The following FDX1 variants were observed in gnomAD, a reference collection of about 807,000 sequenced individuals.
FDX1 encodes adrenodoxin, mitochondrial.
In FDX1, 9 loss-of-function variants were observed where a neutral mutation model predicts 14.9. That is an observed-to-expected ratio of 0.60 (90% CI 0.36 to 1.05). The LOEUF (loss-of-function observed/expected upper bound fraction) is 1.05, where lower values mean the gene tolerates loss of function less well. Among genes scored for constraint, FDX1 ranks in the 50% least tolerant of loss-of-function variants. The pLI, the probability that FDX1 is intolerant of heterozygous loss-of-function variation, is 0.01. For synonymous variants in FDX1, 92 were observed against 99.4 expected (o/e 0.93, Z 0.44); for missense variants, 204 against 237.2 (o/e 0.86, Z 0.92).
At position 110,430,302 on chromosome 11, in the gene FDX1, G is replaced by C. The variant is rs1193248324; in HGVS notation, c.182G>C (p.Ser61Thr). Residue 61 changes from serine to threonine, a missense_variant, in exon 1 of 4, where the codon AGC becomes ACC. Physicochemically the swap from Ser to Thr is moderately conservative, Grantham distance 58. Transcript: ENST00000260270. ...CTGAGCGTGTCGGCGCGGGCCCGGA[G>C]CAGGTAGGGCGCCGTGCGGGCGCGA... ...RSLSVSARARSSSEDKITVHF... is the reference protein window; with the variant it reads ...RSLSVSARARTSSEDKITVHF... 1 of 1,196,068 alleles carries C rather than the reference G, an allele frequency of 8.4e-7. No individual in the cohort carries two copies. The highest frequency in any genetic ancestry group is 1.0e-6 in the Non-Finnish European group (1 of 964,788). 74.1% of individuals were successfully genotyped at this position (1,196,068 alleles called of 1,614,324 possible). A position where few individuals can be genotyped will look rare whatever the true frequency, so the allele number is the denominator to read the frequency against.
chr11:110,433,625 C>CAA (rs1946346011), intron 1 of FDX1, among the ~76,000 whole-genome samples: 1 of 152,094 alleles, frequency 6.6e-6, no homozygotes, highest in South Asian at 2.1e-4. Flanking sequence ...AAAAAAATGG[C>CAA]AGTTATTCAT....
chr11:110,450,067 C>G (rs1946476666), intron 2 of FDX1, among the ~76,000 whole-genome samples: 1 of 152,284 alleles, frequency 6.6e-6, no homozygotes, highest in Non-Finnish European at 1.5e-5. Context: ...TGGCCCCCAA[C>G]CTTTTTGGCA....
chr11:110,447,715 T>C (rs1946460801), intron 2 of FDX1, among the ~76,000 whole-genome samples: 1 of 152,192 alleles, frequency 6.6e-6, no homozygotes, highest in South Asian at 2.1e-4. Flanking sequence ...CCCCAAAATT[T>C]AGCTTTTCAT....
In FDX1 at chr11:110,444,732, A is replaced by ATATATACGTG. The variant is rs1470128750; in HGVS notation, c.310+8780_310+8781insCGTGTATATA. ...TATATATATATATATACGTATATAT[A>ATATATACGTG]TATATATATATACACGTATATATAT... On this transcript the variant is annotated intron_variant, in intron 2 of 3. Transcript: ENST00000260270. 1.2e-4 allele frequency among the ~76,000 whole-genome samples: 8 copies of ATATATACGTG among 66,598 alleles called. 1 individual carries two copies. The highest frequency in any genetic ancestry group is 2.2e-4 in the African/African-American group (3 of 13,706). The allele number at this position is 66,598 out of a possible 152,430, so 43.7% of individuals were successfully genotyped here.
intron 2 of FDX1, among the ~76,000 whole-genome samples, chr11:110,448,424 G>A (rs1210370605): frequency 6.6e-6 from 1 of 152,072 alleles, no homozygotes; most frequent in African/African-American, 2.4e-5. Context: ...TTGGGAAAGG[G>A]GTTAGGTGTC....
Position 110,441,197 on chromosome 11 carries a change from C to A in FDX1, c.310+5239C>A, listed in dbSNP as rs978843740. 7.2e-5 allele frequency among the ~76,000 whole-genome samples: 11 copies of A among 152,212 alleles called. 1 individual carries two copies. The highest frequency in any genetic ancestry group is 2.7e-4 in the African/African-American group (11 of 41,452). On this transcript the variant is annotated intron_variant, in intron 2 of 3. Coordinates refer to ENST00000260270, the MANE Select transcript of FDX1 (RefSeq NM_004109.5). ...TAAACACTTTTTCCTGTATAAATTA[C>A]CCAGTTTCGGATATGTCTTTGTCAG...
rs955037518 is a variant in FDX1 at position 110,463,313 on chromosome 11, G to C, written c.*845G>C. On this transcript the variant is annotated 3_prime_UTR_variant, in exon 4 of 4. Coordinates refer to ENST00000260270, the MANE Select transcript of FDX1 (RefSeq NM_004109.5). ...GAGAAGGGAATGAGCAGGCTGACACGTTGCACAGCCCCAGGTGGCGCCATT... is the reference window on the plus strand; with the variant it reads ...GAGAAGGGAATGAGCAGGCTGACACCTTGCACAGCCCCAGGTGGCGCCATT... The C allele has an allele frequency of 6.6e-6, 1 of 152,260 alleles. No individual in the cohort carries two copies. Among genetic ancestry groups the C allele is most frequent in the African/African-American group, 2.4e-5 (1 of 41,462 alleles). The allele number at this position is 152,260 out of a possible 1,614,324, so 9.4% of individuals were successfully genotyped here.
rs1389724102 is a variant in FDX1, at chr11:110,463,967, C to T, written c.*1499C>T. ...TTACTCTGTCACTCAGGCCAGAGTA[C>T]AATAGTATGATCTCGGCTCACTGCA... On this transcript the variant is annotated 3_prime_UTR_variant, in exon 4 of 4. Coordinates refer to ENST00000260270, the MANE Select transcript of FDX1 (RefSeq NM_004109.5). 1 of 145,678 alleles carries T rather than the reference C, an allele frequency of 6.9e-6. No individual in the cohort carries two copies. The highest frequency in any genetic ancestry group is 1.5e-5 in the Non-Finnish European group (1 of 67,094). 9.0% of individuals were successfully genotyped at this position (145,678 alleles called of 1,614,324 possible).
chr11:110,454,397 T>C (rs1216080656), intron 2 of FDX1, among the ~76,000 whole-genome samples: 2 of 152,222 alleles, frequency 1.3e-5, no homozygotes, highest in Non-Finnish European at 2.9e-5. Flanking sequence ...CCTTTGTTTT[T>C]CAGGAGGGAT....
At position 110,451,329 on chromosome 11, in the gene FDX1, C is replaced by T. The variant is rs111463606; in HGVS notation, c.311-5589C>T. On this transcript the variant is annotated intron_variant, in intron 2 of 3. Coordinates refer to ENST00000260270, the MANE Select transcript of FDX1 (RefSeq NM_004109.5). Reference sequence around the variant, plus strand: ...TTGTTTTTTGGGATAAAATGCATTGCACCTTCTAACTCTTGTAATTGTAGC... The same window carrying T: ...TTGTTTTTTGGGATAAAATGCATTGTACCTTCTAACTCTTGTAATTGTAGC... Among the ~76,000 whole-genome samples, 19 of 152,280 alleles carry T rather than the reference C, an allele frequency of 1.2e-4. 1 individual carries two copies. Among genetic ancestry groups the T allele is most frequent in the African/African-American group, 4.3e-4 (18 of 41,558 alleles).
rs565145960 is a variant in FDX1 at position 110,444,187 on chromosome 11, G to T, written c.310+8229G>T. 1.2e-4 allele frequency among the ~76,000 whole-genome samples: 18 copies of T among 152,138 alleles called. No homozygotes were observed. The East Asian group carries it at 3.5e-3, about 29-fold the overall frequency. ...TTGATTGTCTTTTTTATAGTTTGAG[G>T]TCTTAAATTTAAATCTTTGATCCAT... On this transcript the variant is annotated intron_variant, in intron 2 of 3. Coordinates refer to ENST00000260270, the MANE Select transcript of FDX1 (RefSeq NM_004109.5).
chr11:110,458,458 G>C (rs1288110139), intron 3 of FDX1, among the ~76,000 whole-genome samples: 1 of 152,130 alleles, frequency 6.6e-6, no homozygotes, highest in Non-Finnish European at 1.5e-5. Flanking sequence ...GGAATGGAAA[G>C]AATTTTGCTC....
intron 2 of FDX1, among the ~76,000 whole-genome samples, chr11:110,447,468 A>G (rs1002046885): frequency 2.6e-5 from 4 of 151,860 alleles, no homozygotes; most frequent in African/African-American, 7.3e-5. Flanking sequence ...CAAACAAAAA[A>G]CCATGAGTGT....
At chr11:110,449,949 A>G (rs1946475899) in intron 2 of FDX1, among the ~76,000 whole-genome samples, 1 of 152,158 alleles carries the variant, frequency 6.6e-6, no homozygotes, top group Non-Finnish European at 1.5e-5. Context: ...TCTTAAACAC[A>G]AATTCCTCCT....
At chr11:110,444,688 GTA>G (rs199640851) in intron 2 of FDX1, among the ~76,000 whole-genome samples, 2,611 of 24,106 alleles carry the variant, frequency 0.11, 202 homozygotes, top group African/African-American at 0.25. Flanking sequence ...ATATATACAC[GTA>G]TATATATATA....
chr11:110,442,920 A>T (rs973322222), intron 2 of FDX1, among the ~76,000 whole-genome samples: 1 of 152,098 alleles, frequency 6.6e-6, no homozygotes, highest in African/African-American at 2.4e-5. Flanking sequence ...GGTCTTTCCC[A>T]TGCTGTTCTC....
chr11:110,433,347 T>C (rs1456534455), intron 1 of FDX1, among the ~76,000 whole-genome samples: 1 of 152,234 alleles, frequency 6.6e-6, no homozygotes, highest in East Asian at 1.9e-4. Flanking sequence ...CTTCAACTTA[T>C]TTCTGTCTTC....
At chr11:110,444,687 C>CGTATATATATATATATAT (rs1946431864) in intron 2 of FDX1, among the ~76,000 whole-genome samples, 2 of 29,528 alleles carry the variant, frequency 6.8e-5, no homozygotes, top group African/African-American at 2.1e-4. Context: ...TATATATACA[C>CGTATATATATATATATAT]GTATATATAT....
intron 2 of FDX1, among the ~76,000 whole-genome samples, chr11:110,439,423 A>G (rs1428729166): frequency 1.3e-5 from 2 of 151,816 alleles, no homozygotes; most frequent in African/African-American, 4.8e-5. Context: ...TGGCCAGGCT[A>G]GTCTCGAACT....
Sources: allele counts gnomAD v4.1 joint callset (sites outside exome capture counted in the v4.1 genomes callset), GRCh38; gene constraint gnomAD v4.1.1; transcripts MANE v1.5; gene names NCBI Gene and HGNC (gene_info 2026-07-23, HGNC 2026-07-21).